TMEM65: variants seen among roughly 807,000 people sequenced by gnomAD.
The protein encoded by TMEM65 is transmembrane protein 65.
In TMEM65, 22 loss-of-function variants were observed where a neutral mutation model predicts 25.4. That is an observed-to-expected ratio of 0.86 (90% CI 0.62 to 1.23). The LOEUF is 1.23. TMEM65 is among the 50% of genes most tolerant of loss of function. The probability of loss-of-function intolerance (pLI) is 0.00; values close to 1 mark genes in which losing one functional copy is unlikely to be tolerated. For synonymous variants in TMEM65, 132 were observed against 126.2 expected (o/e 1.05, Z -0.31); for missense variants, 262 against 308.2 (o/e 0.85, Z 1.12).
At chr8:124,326,019 C>T (rs1814361759) in intron 3 of TMEM65, among the ~76,000 whole-genome samples, 2 of 151,992 alleles carry the variant, frequency 1.3e-5, no homozygotes, top group South Asian at 4.1e-4. Context: ...TTCAACAATC[C>T]TAAGGTCATT....
chr8:124,329,015 T>C (rs1205797550), intron 2 of TMEM65, among the ~76,000 whole-genome samples: 2 of 151,978 alleles, frequency 1.3e-5, no homozygotes, highest in African/African-American at 4.8e-5. Context: ...AATATTATTA[T>C]AGCTATACAA....
chr8:124,327,426 A>G lies in TMEM65; in HGVS notation c.350-5T>C, dbSNP rs1292928148. 1 of 1,562,394 alleles carries G rather than the reference A, an allele frequency of 6.4e-7. No individual in the cohort carries two copies. On this transcript the variant is annotated splice_polypyrimidine_tract_variant and splice_region_variant and intron_variant, in intron 2 of 6. Coordinates refer to ENST00000297632, the MANE Select transcript of TMEM65 (RefSeq NM_194291.3). ...GTATCGCATTGTGGATGAATACTGA[A>G]AAACATCAAAAACAGAAAAATATAT...
intron 5 of TMEM65, among the ~76,000 whole-genome samples, chr8:124,320,926 A>T (rs1814296639): frequency 6.6e-6 from 1 of 152,164 alleles, no homozygotes; most frequent in Non-Finnish European, 1.5e-5. Flanking sequence ...CTTCCAGAAA[A>T]ATCTTCATCT....
intron 5 of TMEM65, among the ~76,000 whole-genome samples, chr8:124,321,606 T>A (rs72711163): frequency 6.6e-6 from 1 of 152,166 alleles, no homozygotes; most frequent in African/African-American, 2.4e-5. Flanking sequence ...CCTTTGAAAG[T>A]TCCCCCCTCT....
At chr8:124,353,420 T>G (rs1814737833) in intron 1 of TMEM65, among the ~76,000 whole-genome samples, 1 of 152,088 alleles carries the variant, frequency 6.6e-6, no homozygotes, top group Non-Finnish European at 1.5e-5. Context: ...TTGAAGAAAC[T>G]GTAATGAATC....
intron 1 of TMEM65, among the ~76,000 whole-genome samples, chr8:124,341,878 G>A (rs186305679): frequency 0.011 from 1,658 of 151,252 alleles, 31 homozygotes; most frequent in South Asian, 0.023. Flanking sequence ...GAAACATCTC[G>A]TATATAAGCA....
chr8:124,354,030 T>C (rs1411809399), intron 1 of TMEM65, among the ~76,000 whole-genome samples: 2 of 152,022 alleles, frequency 1.3e-5, no homozygotes, highest in African/African-American at 2.4e-5. Context: ...AAAAAGAATA[T>C]AACATCAATC....
intron 1 of TMEM65, among the ~76,000 whole-genome samples, chr8:124,357,201 G>C (rs1814794234): frequency 6.6e-6 from 1 of 151,182 alleles, no homozygotes; most frequent in South Asian, 2.1e-4. Context: ...TATTTATACT[G>C]CCTAGCCCTA....
chr8:124,362,029 T>C (rs1369043861), intron 1 of TMEM65, among the ~76,000 whole-genome samples: 2 of 151,574 alleles, frequency 1.3e-5, no homozygotes, highest in African/African-American at 4.8e-5. Flanking sequence ...CAGCTAGGAT[T>C]ACAGGCACCC....
chr8:124,356,864 C>T (rs1814788876), intron 1 of TMEM65, among the ~76,000 whole-genome samples: 1 of 151,942 alleles, frequency 6.6e-6, no homozygotes, highest in Admixed American at 6.6e-5. Context: ...TGCACCATCA[C>T]ACCCAGCTAA....
intron 1 of TMEM65, among the ~76,000 whole-genome samples, chr8:124,346,433 T>A (rs924191260): frequency 3.3e-5 from 5 of 152,228 alleles, no homozygotes; most frequent in African/African-American, 1.2e-4. Flanking sequence ...CTAGTCTATT[T>A]TTTTTATTAT....
chr8:124,319,328 T>C (rs542997628), intron 6 of TMEM65, among the ~76,000 whole-genome samples: 1 of 152,110 alleles, frequency 6.6e-6, no homozygotes, highest in Non-Finnish European at 1.5e-5. Flanking sequence ...TCATGATCCA[T>C]CCAGTTTACT....
chr8:124,327,580 A>G (rs1242863519), intron 2 of TMEM65, among the ~76,000 whole-genome samples, 159 bp from the exon 3 acceptor site: 1 of 152,018 alleles, frequency 6.6e-6, no homozygotes, highest in East Asian at 1.9e-4. Context: ...TGCTATAAGT[A>G]GAAACTATAT....
rs180995632 is a variant in TMEM65 at position 124,324,253 on chromosome 8, C to T, written c.418-878G>A. On this transcript the variant is annotated intron_variant, in intron 3 of 6. Coordinates refer to ENST00000297632, the MANE Select transcript of TMEM65 (RefSeq NM_194291.3). ...AGGGAAAAAAACGCCCTGTATTTTA[C>T]GTAGAAATAATGCATTACTCATCAA... Among the ~76,000 whole-genome samples, 4 of 152,098 alleles carry T rather than the reference C, an allele frequency of 2.6e-5. No homozygotes were observed. In the East Asian group the frequency reaches 5.8e-4, roughly 22 times the overall value.
chr8:124,336,682 TA>T (rs1468630592), intron 1 of TMEM65, among the ~76,000 whole-genome samples: 4 of 151,878 alleles, frequency 2.6e-5, no homozygotes, highest in Non-Finnish European at 4.4e-5. Context: ...AATGAATGCT[TA>T]GGGGGAAATT....
rs1814657116 is a variant in TMEM65, at chr8:124,347,891, T to G, written c.305-17099A>C. On this transcript the variant is annotated intron_variant, in intron 1 of 6. Transcript: ENST00000297632. Reference sequence around the variant, plus strand: ...AATACTAGAGGTACAATAATTTTTCTTTTTTTTTTTTTTTTTGAGGCGGAG... The same window carrying G: ...AATACTAGAGGTACAATAATTTTTCGTTTTTTTTTTTTTTTTGAGGCGGAG... 1.8e-3 allele frequency among the ~76,000 whole-genome samples: 3 copies of G among 1,712 alleles called. No homozygotes were observed. The East Asian group carries it at 0.5, about 285-fold the overall frequency. 1.1% of individuals were successfully genotyped at this position (1,712 alleles called of 152,430 possible).
intron 5 of TMEM65, 96 bp from the exon 6 acceptor site, chr8:124,320,287 T>C (rs983916966): frequency 3.5e-5 from 30 of 867,106 alleles, no homozygotes; most frequent in Admixed American, 6.3e-5. Context: ...GGACAAAATA[T>C]AGGTTTTTAA....
chr8:124,336,265 C>T (rs1373824998), intron 1 of TMEM65, among the ~76,000 whole-genome samples: 4 of 152,020 alleles, frequency 2.6e-5, no homozygotes, highest in African/African-American at 4.8e-5. Context: ...CATAATCATA[C>T]TTGGAGATAT....
At chr8:124,339,827 A>G (rs1311352536) in intron 1 of TMEM65, among the ~76,000 whole-genome samples, 1 of 151,738 alleles carries the variant, frequency 6.6e-6, no homozygotes, top group Non-Finnish European at 1.5e-5. Flanking sequence ...CTTTATAGAG[A>G]AAAATTACAG....
Sources: allele counts gnomAD v4.1 joint callset (sites outside exome capture counted in the v4.1 genomes callset), GRCh38; gene constraint gnomAD v4.1.1; transcripts MANE v1.5; gene names NCBI Gene and HGNC (gene_info 2026-07-23, HGNC 2026-07-21).